The following NBR1 variants were observed in gnomAD, a reference collection of about 807,000 sequenced individuals.
NBR1 encodes the protein next to BRCA1 gene 1 protein.
A neutral mutation model predicts 115.5 loss-of-function variants in NBR1; 59 were observed. That is an observed-to-expected ratio of 0.51 (90% confidence interval 0.41 to 0.63). The LOEUF (loss-of-function observed/expected upper bound fraction) is 0.63. NBR1 is among the 30% of genes least tolerant of loss of function. The probability of loss-of-function intolerance (pLI) is 0.00; values close to 1 mark genes in which losing one functional copy is unlikely to be tolerated. For missense variants in NBR1, 1,043 were observed against 1,150.5 expected, an observed-to-expected ratio of 0.91 and a Z score of 1.35; for synonymous variants, 373 against 414.7, an observed-to-expected ratio of 0.90 and a Z score of 1.22.
intron 12 of NBR1, among the ~76,000 whole-genome samples, 155 bp downstream of exon 12, chr17:43,193,793 T>C (rs2057006423): frequency 6.6e-6 from 1 of 152,208 alleles, no homozygotes; most frequent in African/African-American, 2.4e-5. Context: ...ATGCTGATAT[T>C]TGGCCTCTTC....
chr17:43,194,481 G>C lies in NBR1; in HGVS notation c.1656G>C (p.Val552=), dbSNP rs758717066. 3.7e-6 allele frequency: 6 copies of C among 1,613,820 alleles called. No individual in the cohort carries two copies. In the Admixed American group the frequency reaches 1.0e-4, roughly 27 times the overall value. The change falls in exon 13 of 21, where the codon GTG becomes GTC. Residue 552 remains valine, a synonymous_variant. Coordinates refer to ENST00000590996, the MANE Select transcript of NBR1 (RefSeq NM_005899.5). ...AGAGGGAGCTCTACATCCCATCTGT[G>C]GATCTTCTGACTGCCCAGGTGGAAG... ...ASERELYIPS[V]DLLTAQDLLS... is the part of the protein sequence containing the mutation.
At chr17:43,204,571 T>A (rs1200310507) in intron 20 of NBR1, among the ~76,000 whole-genome samples, 1 of 151,880 alleles carries the variant, frequency 6.6e-6, no homozygotes, top group Non-Finnish European at 1.5e-5. Flanking sequence ...ATCCCAGCAC[T>A]TTGGGAGGCC....
Position 43,193,523 on chromosome 17 carries a change from C to T in NBR1, c.1409C>T (p.Pro470Leu). The T allele has an allele frequency of 6.2e-7, 1 of 1,613,644 alleles. No individual in the cohort carries two copies. The highest frequency in any genetic ancestry group is 8.5e-7 in the Non-Finnish European group (1 of 1,179,756). Residue 470 changes from proline to leucine, a missense_variant, in exon 12 of 21, where the codon CCT (proline) becomes CTT (leucine). By Grantham distance (98) the Pro-to-Leu change is moderately conservative (BLOSUM62 -3). Coordinates refer to ENST00000590996, the MANE Select transcript of NBR1 (RefSeq NM_005899.5). The stretch of plus-strand genomic sequence containing the variant: ...TCTCACAAAGGCCAGCAATTTGGGC[C>T]TCGGGTCTGGTGCAGTATCATAGTA... ...RLSHKGQQFGPRVWCSIIVDP... is the reference protein window; with the variant it reads ...RLSHKGQQFGLRVWCSIIVDP...
chr17:43,180,790 T>C lies in NBR1; in HGVS notation c.185-5T>C. 6.9e-7 allele frequency: 1 copy of C among 1,453,134 alleles called. No homozygotes were observed. The highest frequency in any genetic ancestry group is 9.1e-7 in the Non-Finnish European group (1 of 1,095,146). 90.0% of individuals were successfully genotyped at this position (1,453,134 alleles called of 1,614,324 possible). On this transcript the variant is annotated splice_region_variant and splice_polypyrimidine_tract_variant and intron_variant, in intron 4 of 20. Coordinates refer to ENST00000590996, the MANE Select transcript of NBR1 (RefSeq NM_005899.5). Reference sequence around the variant, plus strand: ...TATCATGGTGTATATTTTTTGTTCTTTTAGGAGAATATGAAGAAGCGCTTA... The same window carrying C: ...TATCATGGTGTATATTTTTTGTTCTCTTAGGAGAATATGAAGAAGCGCTTA...
At chr17:43,185,788 G>T (rs2056786295) in intron 5 of NBR1, among the ~76,000 whole-genome samples, 1 of 152,004 alleles carries the variant, frequency 6.6e-6, no homozygotes, top group African/African-American at 2.4e-5. Flanking sequence ...CCTGAGGTCG[G>T]GAGTTCGAGA....
Position 43,203,756 on chromosome 17 carries a change from C to T in NBR1, c.2697C>T (p.Ala899=). ...ALSVAASAYK[A]LFAGPPVTAQ... The stretch of plus-strand genomic sequence containing the variant: ...CTGTTGCTGCCTCTGCATACAAGGC[C>T]CTGTTTGCTGGGCCACCAGTCACTG... Residue 899 remains alanine, a synonymous_variant, in exon 20 of 21, where the codon GCC becomes GCT. Transcript: ENST00000590996. The T allele has an allele frequency of 1.9e-6, 3 of 1,603,298 alleles. No individual in the cohort carries two copies. Among genetic ancestry groups the T allele is most frequent in the Non-Finnish European group, 2.6e-6 (3 of 1,174,368 alleles).
intron 17 of NBR1, among the ~76,000 whole-genome samples, chr17:43,200,933 A>G (rs1433692000): frequency 6.6e-6 from 1 of 150,970 alleles, no homozygotes; most frequent in East Asian, 1.9e-4. Flanking sequence ...CAGTGGCACA[A>G]TCTTGGCTCA....
intron 20 of NBR1, among the ~76,000 whole-genome samples, chr17:43,205,586 A>G (rs1017270464): frequency 6.6e-6 from 1 of 152,086 alleles, no homozygotes; most frequent in Non-Finnish European, 1.5e-5. Flanking sequence ...AGTAAGACGA[A>G]AAAAGACTGG....
intron 5 of NBR1, among the ~76,000 whole-genome samples, chr17:43,181,949 A>G (rs536427036): frequency 2.5e-4 from 38 of 150,894 alleles, no homozygotes; most frequent in East Asian, 9.7e-4. Context: ...ACGCCATTGC[A>G]CTCCAGCCTG....
chr17:43,196,530 G>T lies in NBR1; in HGVS notation c.1800G>T (p.Glu600Asp). 1 of 1,605,920 alleles carries T rather than the reference G, an allele frequency of 6.2e-7. No individual in the cohort carries two copies. Among genetic ancestry groups the T allele is most frequent in the Non-Finnish European group, 8.5e-7 (1 of 1,177,422 alleles). Residue 600 changes from glutamate (E) to aspartate (D), a missense_variant, in exon 15 of 21, where the codon GAG (glutamate) becomes GAT (aspartate). Transcript: ENST00000590996. ...TGCCACATGACAGTCCTTTAATAGA[G>T]AAGCCAGGCTTGGGGCAGATAGAGG... ...SPLPHDSPLI[E>D]KPGLGQIEEE...
upstream of NBR1, chr17:43,171,179 A>C (rs1024886043): frequency 6.6e-6 from 1 of 152,656 alleles, no homozygotes; most frequent in Non-Finnish European, 1.5e-5. Flanking sequence ...ACTCGGAGAA[A>C]CAGGGGACTA....
Position 43,210,832 on chromosome 17 carries a change from A to T in NBR1, c.*758A>T, listed in dbSNP as rs897443552. ...TATAGGTATTGTGAAATATTTTGCTAATCTTATAGAAAAGGAAAAAATCCC... is the reference window on the plus strand; with the variant it reads ...TATAGGTATTGTGAAATATTTTGCTTATCTTATAGAAAAGGAAAAAATCCC... On this transcript the variant is annotated 3_prime_UTR_variant, in exon 21 of 21. Coordinates refer to ENST00000590996, the MANE Select transcript of NBR1 (RefSeq NM_005899.5). 4.0e-5 allele frequency: 16 copies of T among 397,882 alleles called. No individual in the cohort carries two copies. Among genetic ancestry groups the T allele is most frequent in the Non-Finnish European group, 7.1e-5 (16 of 225,934 alleles). The allele number at this position is 397,882 out of a possible 1,614,324, so 24.6% of individuals were successfully genotyped here.
chr17:43,193,400 T>C lies in NBR1; in HGVS notation c.1286T>C (p.Val429Ala). The C allele has an allele frequency of 6.2e-7, 1 of 1,613,954 alleles. No homozygotes were observed. The highest frequency in any genetic ancestry group is 1.1e-5 in the South Asian group (1 of 91,076). ...LTLASTEKKDVLVPCLKAGHV... is the reference protein window; with the variant it reads ...LTLASTEKKDALVPCLKAGHV... Reference sequence around the variant, plus strand: ...TTGGCTTCCACAGAAAAGAAGGATGTTTTGGTTCCCTGCCTCAAGGCCGGC... The same window carrying C: ...TTGGCTTCCACAGAAAAGAAGGATGCTTTGGTTCCCTGCCTCAAGGCCGGC... The change falls in exon 12 of 21, where the codon GTT becomes GCT. Residue 429 changes from valine to alanine, a missense_variant. Coordinates refer to ENST00000590996, the MANE Select transcript of NBR1 (RefSeq NM_005899.5).
chr17:43,210,164 T>A lies in NBR1; in HGVS notation c.*90T>A. On this transcript the variant is annotated 3_prime_UTR_variant, in exon 21 of 21. Transcript: ENST00000590996. The stretch of plus-strand genomic sequence containing the variant: ...ATGGGATAGAAGCCCTTGCTTATTT[T>A]TAATCTGATGAATCTGTATAGAGCC... The A allele has an allele frequency of 7.8e-7, 1 of 1,287,504 alleles. No homozygotes were observed. 79.8% of individuals were successfully genotyped at this position (1,287,504 alleles called of 1,614,324 possible).
chr17:43,211,650 C>A lies in NBR1; in HGVS notation c.*1576C>A, dbSNP rs2057417977. ...TTATGTATGTACTTGTACATAACCACCTAAAGAATGGTGAAATAAATGTTC... is the reference window on the plus strand; with the variant it reads ...TTATGTATGTACTTGTACATAACCAACTAAAGAATGGTGAAATAAATGTTC... On this transcript the variant is annotated 3_prime_UTR_variant, in exon 21 of 21. Transcript: ENST00000590996. 6.6e-6 allele frequency: 1 copy of A among 152,110 alleles called. No homozygotes were observed. Among genetic ancestry groups the A allele is most frequent in the African/African-American group, 2.4e-5 (1 of 41,416 alleles). 9.4% of individuals were successfully genotyped at this position (152,110 alleles called of 1,614,324 possible).
intron 5 of NBR1, among the ~76,000 whole-genome samples, chr17:43,182,188 T>C (rs1175093362): frequency 4.1e-5 from 6 of 144,984 alleles, no homozygotes; most frequent in Admixed American, 4.1e-4. Context: ...ATTTTTCACC[T>C]CTTTCCCTCA....
intron 4 of NBR1, among the ~76,000 whole-genome samples, 185 bp downstream of exon 4, chr17:43,179,597 A>C (rs1054918590): frequency 6.6e-6 from 1 of 152,156 alleles, no homozygotes; most frequent in African/African-American, 2.4e-5. Flanking sequence ...ATGCCTTTGA[A>C]TGGACCCTAA....
At chr17:43,198,560 G>A (rs1450218785) in intron 16 of NBR1, among the ~76,000 whole-genome samples, 3 of 152,064 alleles carry the variant, frequency 2.0e-5, no homozygotes, top group Admixed American at 6.6e-5. Context: ...GCTGAGGCAG[G>A]AGAACTGCTT....
rs2154582516 is a variant in NBR1, at chr17:43,210,275, T to C, written c.*201T>C. ...GAACTTAAATTTTCACTTTAGACAT[T>C]GGATGAATAGTATGAAGACAGTTTT... On this transcript the variant is annotated 3_prime_UTR_variant, in exon 21 of 21. Coordinates refer to ENST00000590996, the MANE Select transcript of NBR1 (RefSeq NM_005899.5). 1 of 421,380 alleles carries C rather than the reference T, an allele frequency of 2.4e-6. No individual in the cohort carries two copies. The highest frequency in any genetic ancestry group is 4.1e-6 in the Non-Finnish European group (1 of 243,706). The allele number at this position is 421,380 out of a possible 1,614,324, so 26.1% of individuals were successfully genotyped here. A position where few individuals can be genotyped will look rare whatever the true frequency, so the allele number is the denominator to read the frequency against.
Sources: allele counts gnomAD v4.1 joint callset (sites outside exome capture counted in the v4.1 genomes callset), GRCh38; gene constraint gnomAD v4.1.1; transcripts MANE v1.5; gene names NCBI Gene and HGNC (gene_info 2026-07-23, HGNC 2026-07-21).